Variants in ZNF334 observed in about 807,000 individuals in gnomAD.
ZNF334 encodes the protein zinc finger protein 334.
A neutral mutation model predicts 12.4 loss-of-function variants in ZNF334; 14 were observed. The ratio of observed to expected loss-of-function variants is 1.13; its 90% CI spans 0.74 to 1.76. The LOEUF (loss-of-function observed/expected upper bound fraction) is 1.76, where lower values mean the gene tolerates loss of function less well. Ranked by LOEUF, ZNF334 falls within the 40% of genes most tolerant of loss-of-function variation. The pLI is 0.00. For synonymous variants in ZNF334, 273 were observed against 269.6 expected (o/e 1.01, Z -0.12); for missense variants, 797 against 804.5 (o/e 0.99, Z 0.11).
At chr20:46,506,475 A>G (rs1297087430) in intron 2 of ZNF334, 1 of 405,542 alleles carries the variant, frequency 2.5e-6, no homozygotes, top group East Asian at 3.6e-5. Flanking sequence ...AAAAATAAAA[A>G]AAAATTAGCC....
chr20:46,463,926 A>G, the ZNF334 span: 2 of 527,474 alleles, frequency 3.8e-6, no homozygotes, highest in Non-Finnish European at 7.7e-6. Context: ...CTTCCAGATC[A>G]TCATGGAACA....
At chr20:46,481,718 C>G in the ZNF334 span, among the ~76,000 whole-genome samples, 4 of 152,080 alleles carry the variant, frequency 2.6e-5, no homozygotes, top group Admixed American at 6.5e-5. Context: ...AAAGGGCACT[C>G]GTCCTGACAG....
the ZNF334 span, chr20:46,481,493 T>C: frequency 6.6e-6 from 1 of 152,362 alleles, no homozygotes; most frequent in East Asian, 1.9e-4. Flanking sequence ...GCACAGGTCT[T>C]CTAGGCATGA....
the ZNF334 span, among the ~76,000 whole-genome samples, chr20:46,482,827 T>C: frequency 6.6e-6 from 1 of 152,202 alleles, no homozygotes; most frequent in Non-Finnish European, 1.5e-5. Flanking sequence ...GCCCTTATTC[T>C]CAACATCTGC....
rs1270720942 is a variant in ZNF334, at chr20:46,510,632, A to C, written c.21+1450T>G. ...TCCCAGCTACTCGGGAGGCTGAGGC[A>C]GGAGAATGGTGTGAACCTGGGAGGC... On this transcript the variant is annotated intron_variant, in intron 2 of 4. Coordinates refer to ENST00000692313, the MANE Select transcript of ZNF334 (RefSeq NM_001353824.2). Among the ~76,000 whole-genome samples, 3 of 151,782 alleles carry C rather than the reference A, an allele frequency of 2.0e-5. No homozygotes were observed. In the South Asian group the frequency reaches 6.3e-4, roughly 32 times the overall value.
chr20:46,510,570 CAAA>C (rs2061608187), intron 2 of ZNF334, among the ~76,000 whole-genome samples: 1 of 151,568 alleles, frequency 6.6e-6, no homozygotes, highest in Non-Finnish European at 1.5e-5. Flanking sequence ...CTAAAAAATA[CAAA>C]AAATTAGCCA....
At chr20:46,506,930 A>G (rs1329600057) in intron 2 of ZNF334, among the ~76,000 whole-genome samples, 1 of 151,032 alleles carries the variant, frequency 6.6e-6, no homozygotes, top group South Asian at 2.1e-4. Flanking sequence ...TAGGCAACAT[A>G]GTGAGACCCC....
chr20:46,481,092 C>T, the ZNF334 span: 16 of 152,212 alleles, frequency 1.1e-4, no homozygotes, highest in African/African-American at 3.9e-4. Context: ...GGTGTGGCTT[C>T]TCAGGAGTCT....
the ZNF334 span, among the ~76,000 whole-genome samples, chr20:46,486,593 C>T: frequency 6.6e-6 from 1 of 152,108 alleles, no homozygotes; most frequent in African/African-American, 2.4e-5. Flanking sequence ...CTTTAACATG[C>T]ATCCATCACA....
the ZNF334 span, among the ~76,000 whole-genome samples, chr20:46,469,583 A>G: frequency 6.6e-6 from 1 of 151,958 alleles, no homozygotes; most frequent in Non-Finnish European, 1.5e-5. Flanking sequence ...CATGTTAGCC[A>G]GGATGGTCTC....
chr20:46,488,128 T>G, the ZNF334 span, among the ~76,000 whole-genome samples: 9 of 152,274 alleles, frequency 5.9e-5, no homozygotes, highest in Admixed American at 2.0e-4. Flanking sequence ...TTACTGTGAT[T>G]ATTGATATGG....
chr20:46,495,799 C>T (rs979257309), downstream of ZNF334, among the ~76,000 whole-genome samples: 1 of 152,160 alleles, frequency 6.6e-6, no homozygotes, highest in Non-Finnish European at 1.5e-5. Context: ...ATCTATCTCC[C>T]GACCTTCATA....
the ZNF334 span, among the ~76,000 whole-genome samples, chr20:46,481,852 C>A: frequency 1.3e-5 from 2 of 152,158 alleles, no homozygotes; most frequent in East Asian, 1.9e-4. Context: ...CAATCTCCCC[C>A]ACCCATTGCA....
Position 46,501,991 on chromosome 20 carries a change from C to T in ZNF334, c.1348G>A (p.Ala450Thr), listed in dbSNP as rs1165074619. 1 of 1,614,042 alleles carries T rather than the reference C, an allele frequency of 6.2e-7. No homozygotes were observed. The change falls in exon 5 of 5, where the codon GCA becomes ACA. Residue 450 changes from alanine (A) to threonine (T), a missense_variant. Transcript: ENST00000692313. The part of the protein sequence containing the change: ...KFLCTKSALI[A>T]HQITHRGKKS... ...TTTCCTCTATGAGTTATCTGATGTG[C>T]AATGAGGGCTGATTTCGTACATAAA... is the stretch of plus-strand genomic sequence containing the variant.
At chr20:46,490,168 T>A in the ZNF334 span, among the ~76,000 whole-genome samples, 2 of 152,182 alleles carry the variant, frequency 1.3e-5, no homozygotes, top group Non-Finnish European at 2.9e-5. Context: ...ACCAAAAATA[T>A]AATTGGGAAC....
At chr20:46,491,260 T>C in the ZNF334 span, 1 of 152,750 alleles carries the variant, frequency 6.5e-6, no homozygotes, top group Non-Finnish European at 1.5e-5. Flanking sequence ...AGAGATTTCA[T>C]GTTGGCAACA....
At chr20:46,504,996 C>G in intron 2 of ZNF334, 1 of 331,984 alleles carries the variant, frequency 3.0e-6, no homozygotes, top group Non-Finnish European at 5.4e-6. Flanking sequence ...TAATCTTACT[C>G]TTTAGGAGCA....
intron 2 of ZNF334, among the ~76,000 whole-genome samples, chr20:46,507,987 T>C (rs915772911): frequency 6.6e-6 from 1 of 151,722 alleles, no homozygotes; most frequent in Non-Finnish European, 1.5e-5. Context: ...GGAGAAAGAG[T>C]GCCAGGGAAG....
chr20:46,465,242 C>A, the ZNF334 span: 1 of 180,282 alleles, frequency 5.5e-6, no homozygotes, highest in South Asian at 1.3e-4. Context: ...GATATTGTGG[C>A]TGTTGTTCTG....
Sources: allele counts gnomAD v4.1 joint callset (sites outside exome capture counted in the v4.1 genomes callset), GRCh38; gene constraint gnomAD v4.1.1; transcripts MANE v1.5; gene names NCBI Gene and HGNC (gene_info 2026-07-23, HGNC 2026-07-21).